LAMP5: variants seen among roughly 807,000 people sequenced by gnomAD.
LAMP5 encodes lysosome associated membrane protein 5, also known as lysosome-associated membrane glycoprotein 5.
LAMP5 carries 36 observed loss-of-function variants against 30.2 expected under a neutral mutation model. The observed-to-expected ratio is 1.19, with a 90% CI of 0.91 to 1.57. The LOEUF (loss-of-function observed/expected upper bound fraction) is 1.57. Among genes scored for constraint, LAMP5 ranks in the 40% most tolerant of loss-of-function variants. LAMP5 has a pLI of 0.00. For synonymous variants in LAMP5, 149 were observed against 134.6 expected (o/e 1.11, Z -0.74); for missense variants, 377 against 354.9 (o/e 1.06, Z -0.50).
At position 9,516,034 on chromosome 20, in the gene LAMP5, G is replaced by C. The variant is rs761808367; in HGVS notation, c.272G>C (p.Arg91Pro). 1 of 1,534,088 alleles carries C rather than the reference G, an allele frequency of 6.5e-7. No individual in the cohort carries two copies. The highest frequency in any genetic ancestry group is 8.7e-7 in the Non-Finnish European group (1 of 1,147,062). Residue 91 changes from arginine to proline, a missense_variant, in exon 3 of 6, where the codon CGG becomes CCG. Arg to Pro is a moderately radical substitution (Grantham distance 103). Coordinates refer to ENST00000246070, the MANE Select transcript of LAMP5 (RefSeq NM_012261.4). ...GAACAGGCCGATATCGCATTGACCC[G>C]GGGAGCTGAGGTGAAGGGCCGCTGT... ...ITEQADIALT[R>P]GAEVKGRCGH...
rs1200452025 is a variant in LAMP5 at position 9,515,556 on chromosome 20, G to T, written c.168G>T (p.Thr56=). 1.2e-6 allele frequency: 2 copies of T among 1,614,176 alleles called. No homozygotes were observed. The highest frequency in any genetic ancestry group is 8.5e-7 in the Non-Finnish European group (1 of 1,180,018). ...DIFVVRENGT[T]CLMAEFAAKF... ...TTGTGGTGCGGGAAAATGGGACGACGTGTCTCATGGCAGAGTTTGCAGCCA... is the reference window on the plus strand; with the variant it reads ...TTGTGGTGCGGGAAAATGGGACGACTTGTCTCATGGCAGAGTTTGCAGCCA... The change falls in exon 2 of 6, where the codon ACG becomes ACT. Residue 56 remains threonine, a synonymous_variant. Transcript: ENST00000246070.
intron 4 of LAMP5, among the ~76,000 whole-genome samples, chr20:9,516,691 G>A (rs770102565): frequency 2.6e-5 from 4 of 152,106 alleles, no homozygotes; most frequent in Non-Finnish European, 4.4e-5. Flanking sequence ...CACGGAGAAG[G>A]GCAAAGCTGC....
chr20:9,524,606 AAAAAAAAAAAC>A (rs2045100218), intron 5 of LAMP5, among the ~76,000 whole-genome samples: 1 of 149,946 alleles, frequency 6.7e-6, no homozygotes, highest in African/African-American at 2.5e-5. Flanking sequence ...AAAAAAAAAA[AAAAAAAAAAAC>A]AAACAAAAAA....
chr20:9,515,937 C>T (rs1471606225), intron 2 of LAMP5, 63 bp from the exon 3 acceptor site: 1 of 1,432,574 alleles, frequency 7.0e-7, no homozygotes, highest in Admixed American at 3.1e-5. Context: ...GACGCGCCGC[C>T]CTTTACAGCC....
chr20:9,518,028 C>T lies in LAMP5; in HGVS notation c.476-12C>T, dbSNP rs201564668. The T allele has an allele frequency of 2.8e-5, 45 of 1,612,954 alleles. No homozygotes were observed. The East Asian group carries it at 1.0e-3, about 36-fold the overall frequency. ...TGAGGGTTCTAACTATTGCTCTGGG[C>T]TCTTGCTGTAGCTGGGAAGCACACA... is the stretch of plus-strand genomic sequence containing the variant. On this transcript the variant is annotated splice_polypyrimidine_tract_variant and intron_variant, in intron 4 of 5. Coordinates refer to ENST00000246070, the MANE Select transcript of LAMP5 (RefSeq NM_012261.4).
rs1488301444 is a variant in LAMP5 at position 9,515,966 on chromosome 20, G to A, written c.238-34G>A. The A allele has an allele frequency of 6.1e-6, 9 of 1,475,264 alleles. No individual in the cohort carries two copies. In the Admixed American group the frequency reaches 2.1e-4, roughly 34 times the overall value. The allele number at this position is 1,475,264 out of a possible 1,614,324, so 91.4% of individuals were successfully genotyped here. Reference sequence around the variant, plus strand: ...TACAGCCCCCGCCCCGGGGCCGGGCGAGCTGAGGGGGCGCGGGGCGTCTGT... The same window carrying A: ...TACAGCCCCCGCCCCGGGGCCGGGCAAGCTGAGGGGGCGCGGGGCGTCTGT... On this transcript the variant is annotated intron_variant, in intron 2 of 5. Transcript: ENST00000246070.
In LAMP5 at chr20:9,514,732, T is replaced by C. The variant is rs12151948; in HGVS notation, c.-121T>C. 2.3e-5 allele frequency: 17 copies of C among 746,028 alleles called. No individual in the cohort carries two copies. The highest frequency in any genetic ancestry group is 1.6e-5 in the South Asian group (1 of 61,802). The allele number at this position is 746,028 out of a possible 1,614,324, so 46.2% of individuals were successfully genotyped here. Reference sequence around the variant, plus strand: ...GCTCACAGAATACGCGCTCCCTCCCTCCCCCTTCTCTGTCCCCCGCCTCTC... The same window carrying C: ...GCTCACAGAATACGCGCTCCCTCCCCCCCCCTTCTCTGTCCCCCGCCTCTC... On this transcript the variant is annotated 5_prime_UTR_variant, in exon 1 of 6. Coordinates refer to ENST00000246070, the MANE Select transcript of LAMP5 (RefSeq NM_012261.4).
intron 1 of LAMP5, 36 bp from the exon 2 acceptor site, chr20:9,515,417 C>T: frequency 6.3e-7 from 1 of 1,594,022 alleles, no homozygotes. Flanking sequence ...GTGGGCTGAG[C>T]CCTGAACTGA....
chr20:9,518,866 G>A (rs1002467484), intron 5 of LAMP5, among the ~76,000 whole-genome samples: 1 of 151,646 alleles, frequency 6.6e-6, no homozygotes, highest in South Asian at 2.1e-4. Context: ...TTTCCACCAA[G>A]CATCTTCGTG....
intron 4 of LAMP5, 74 bp from the exon 5 acceptor site, chr20:9,517,966 C>G (rs1277698769): frequency 1.5e-6 from 2 of 1,356,358 alleles, no homozygotes; most frequent in Non-Finnish European, 2.1e-6. Flanking sequence ...AACTGAGAGG[C>G]AATAGCCAGC....
In LAMP5 at chr20:9,514,746, C is replaced by A; in HGVS notation, c.-107C>A. ...CGCTCCCTCCCTCCCCCTTCTCTGT[C>A]CCCCGCCTCTCGCTCACCCCGGCCC... On this transcript the variant is annotated 5_prime_UTR_variant, in exon 1 of 6. Transcript: ENST00000246070. 2.1e-6 allele frequency: 2 copies of A among 954,756 alleles called. No homozygotes were observed. Among genetic ancestry groups the A allele is most frequent in the South Asian group, 2.9e-5 (2 of 70,130 alleles). 59.1% of individuals were successfully genotyped at this position (954,756 alleles called of 1,614,324 possible). A position where few individuals can be genotyped will look rare whatever the true frequency, so the allele number is the denominator to read the frequency against.
At chr20:9,526,343 C>T (rs547019851) in intron 5 of LAMP5, among the ~76,000 whole-genome samples, 8 of 152,148 alleles carry the variant, frequency 5.3e-5, no homozygotes, top group Non-Finnish European at 7.3e-5. Context: ...TTGCCACTAG[C>T]GCCTGCAAAC....
chr20:9,529,375 T>TA lies in LAMP5; in HGVS notation c.665-264dup, dbSNP rs1457543282. 2.0e-5 allele frequency among the ~76,000 whole-genome samples: 3 copies of TA among 152,366 alleles called. No individual in the cohort carries two copies. The South Asian group carries it at 6.2e-4, about 32-fold the overall frequency. On this transcript the variant is annotated intron_variant, in intron 5 of 5. Transcript: ENST00000246070. Reference sequence around the variant, plus strand: ...GTCTAATGGTGAAACTCTGAACATTTAAATAAGTTATCTGGATGTTTTGTT... The same window carrying TA: ...GTCTAATGGTGAAACTCTGAACATTTAAAATAAGTTATCTGGATGTTTTGTT...
chr20:9,529,283 G>A (rs370286982), intron 5 of LAMP5, among the ~76,000 whole-genome samples: 12 of 151,298 alleles, frequency 7.9e-5, no homozygotes, highest in Admixed American at 3.3e-4. Flanking sequence ...TATATAATGC[G>A]TTATGTGTAC....
intron 4 of LAMP5, among the ~76,000 whole-genome samples, chr20:9,516,587 C>G (rs540303476): frequency 1.3e-5 from 2 of 152,282 alleles, no homozygotes; most frequent in South Asian, 4.2e-4. Flanking sequence ...ACCCAAACGT[C>G]ACCCGTGGCC....
In LAMP5 at chr20:9,515,644, C is replaced by CA. The variant is rs199852679; in HGVS notation, c.237+19_237+20insA. The CA allele has an allele frequency of 3.7e-6, 6 of 1,611,894 alleles. No homozygotes were observed. The East Asian group carries it at 1.3e-4, about 36-fold the overall frequency. On this transcript the variant is annotated intron_variant, in intron 2 of 5. Coordinates refer to ENST00000246070, the MANE Select transcript of LAMP5 (RefSeq NM_012261.4). ...CGTAGATGTAAGGAATCTTTCCCCC[C>CA]CCTCAGCTTGCTCCTAGGGCTCCAG...
At chr20:9,522,092 A>G (rs868529041) in intron 5 of LAMP5, among the ~76,000 whole-genome samples, 6 of 152,202 alleles carry the variant, frequency 3.9e-5, no homozygotes, top group Admixed American at 2.6e-4. Context: ...GTCTTTGGGT[A>G]TCAGAGGTTT....
intron 3 of LAMP5, 62 bp downstream of exon 3, chr20:9,516,193 C>A (rs1339887122): frequency 6.8e-6 from 11 of 1,607,204 alleles, no homozygotes; most frequent in Middle Eastern, 3.3e-4. Flanking sequence ...GAAGTGGCGG[C>A]CCCTAGGTTT....
chr20:9,518,016 T>G, intron 4 of LAMP5, 24 bp from the exon 5 acceptor site: 1 of 995,066 alleles, frequency 1.0e-6, no homozygotes, highest in Non-Finnish European at 1.4e-6. Context: ...GGGTTCTAAC[T>G]ATTGCTCTGG....
Sources: allele counts gnomAD v4.1 joint callset (sites outside exome capture counted in the v4.1 genomes callset), GRCh38; gene constraint gnomAD v4.1.1; transcripts MANE v1.5; gene names NCBI Gene and HGNC (gene_info 2026-07-23, HGNC 2026-07-21).